Variants in SEMA3A observed in about 807,000 individuals in gnomAD.
SEMA3A encodes the protein semaphorin-3A.
SEMA3A carries 29 observed loss-of-function variants against 97.9 expected under a neutral mutation model. The observed-to-expected ratio is 0.30, with a 90% CI of 0.22 to 0.40. The LOEUF (loss-of-function observed/expected upper bound fraction) is 0.40. Among genes scored for constraint, SEMA3A ranks in the 10% least tolerant of loss-of-function variants. The pLI is 1.00. For synonymous variants in SEMA3A, 321 were observed against 323.7 expected, an observed-to-expected ratio of 0.99 and a Z score of 0.09; for missense variants, 763 against 951.3, an observed-to-expected ratio of 0.80 and a Z score of 2.60.
At chr7:84,155,475 G>C (rs765226872) in intron 1 of SEMA3A, among the ~76,000 whole-genome samples, 53 of 152,148 alleles carry the variant, frequency 3.5e-4, no homozygotes, top group Non-Finnish European at 6.8e-4. Context: ...AAAATCATTT[G>C]ACCTCAGATA....
intron 4 of SEMA3A, among the ~76,000 whole-genome samples, chr7:84,106,681 A>G (rs541642176): frequency 6.6e-6 from 1 of 152,326 alleles, no homozygotes; most frequent in South Asian, 2.1e-4. Flanking sequence ...TAAATAAGAA[A>G]GTAAGCCCTG....
At chr7:84,266,313 C>CAAAAAAAAAAAAAAAAAA (rs57809084) in intron 3 of SEMA3A, among the ~76,000 whole-genome samples, 1 of 70,482 alleles carries the variant, frequency 1.4e-5, no homozygotes, top group Non-Finnish European at 2.5e-5. Context: ...GATTTGGTCT[C>CAAAAAAAAAAAAAAAAAA]AAAAAAAAAA....
intron 1 of SEMA3A, among the ~76,000 whole-genome samples, chr7:84,164,580 C>T (rs1012494120): frequency 6.6e-6 from 1 of 152,044 alleles, no homozygotes; most frequent in Non-Finnish European, 1.5e-5. Flanking sequence ...ATATAGGCCA[C>T]GCAGACCCAT....
At chr7:84,155,956 T>C (rs1796833535) in intron 1 of SEMA3A, among the ~76,000 whole-genome samples, 1 of 152,120 alleles carries the variant, frequency 6.6e-6, no homozygotes, top group Non-Finnish European at 1.5e-5. Flanking sequence ...TGACCACATA[T>C]AAAATACCTG....
At chr7:84,171,773 G>A (rs190121160) in intron 1 of SEMA3A, among the ~76,000 whole-genome samples, 3 of 151,908 alleles carry the variant, frequency 2.0e-5, no homozygotes, top group Non-Finnish European at 2.9e-5. Context: ...ATTAAGGGAG[G>A]ACCAAATTAT....
chr7:84,195,835 G>A (rs1008667133), upstream of SEMA3A, among the ~76,000 whole-genome samples: 2 of 152,140 alleles, frequency 1.3e-5, no homozygotes, highest in Non-Finnish European at 2.9e-5. Flanking sequence ...GAGTGTCAAG[G>A]AGTAACATGA....
At chr7:84,096,561 G>C (rs962980856) in intron 4 of SEMA3A, among the ~76,000 whole-genome samples, 24 of 152,122 alleles carry the variant, frequency 1.6e-4, no homozygotes, top group African/African-American at 5.8e-4. Flanking sequence ...GGAAGCATTA[G>C]TTGAAAATAA....
intron 2 of SEMA3A, among the ~76,000 whole-genome samples, chr7:84,363,431 T>C (rs912381908): frequency 6.6e-6 from 1 of 151,946 alleles, no homozygotes; most frequent in Non-Finnish European, 1.5e-5. Context: ...TTATTTTTGG[T>C]GCATGTTCTT....
At chr7:84,044,925 G>A (rs1475404522) in intron 6 of SEMA3A, among the ~76,000 whole-genome samples, 1 of 152,078 alleles carries the variant, frequency 6.6e-6, no homozygotes, top group Non-Finnish European at 1.5e-5. Flanking sequence ...AAACGTGGAG[G>A]CAGGGAGCAT....
intron 1 of SEMA3A, among the ~76,000 whole-genome samples, chr7:84,483,848 C>T (rs1806506192): frequency 6.6e-6 from 1 of 151,800 alleles, no homozygotes; most frequent in African/African-American, 2.4e-5. Context: ...AGTTCGAGAC[C>T]ACCTGGATAA....
At chr7:84,182,049 T>C (rs1447878421) in intron 1 of SEMA3A, among the ~76,000 whole-genome samples, 6 of 152,280 alleles carry the variant, frequency 3.9e-5, no homozygotes, top group African/African-American at 1.4e-4. Context: ...AAGTGTCTTC[T>C]GTTAGACAAA....
chr7:84,208,870 C>T (rs1484989190), intron 3 of SEMA3A, among the ~76,000 whole-genome samples: 1 of 152,188 alleles, frequency 6.6e-6, no homozygotes. Flanking sequence ...CTGCATTATA[C>T]ATGGATCTAA....
chr7:84,234,102 A>G (rs2116362694), intron 3 of SEMA3A, among the ~76,000 whole-genome samples: 1 of 152,162 alleles, frequency 6.6e-6, no homozygotes, highest in Middle Eastern at 3.4e-3. Context: ...TAAAAAGTAA[A>G]TACATTGTTT....
chr7:84,126,859 A>G (rs1168034599), intron 3 of SEMA3A, among the ~76,000 whole-genome samples: 2 of 152,212 alleles, frequency 1.3e-5, no homozygotes, highest in Non-Finnish European at 2.9e-5. Flanking sequence ...GAAAGTTAGC[A>G]TACTTGCTCA....
At chr7:84,421,096 T>A (rs1390138643) in intron 1 of SEMA3A, among the ~76,000 whole-genome samples, 1 of 151,972 alleles carries the variant, frequency 6.6e-6, no homozygotes, top group African/African-American at 2.4e-5. Context: ...CGGTTTTAGA[T>A]CTTTCTAAAA....
intron 4 of SEMA3A, among the ~76,000 whole-genome samples, chr7:84,079,093 C>A (rs938918754): frequency 6.6e-6 from 1 of 151,876 alleles, no homozygotes; most frequent in Non-Finnish European, 1.5e-5. Context: ...GACATCTTTG[C>A]ATCAAATAAA....
intron 1 of SEMA3A, among the ~76,000 whole-genome samples, chr7:84,452,711 T>C (rs1562952722): frequency 6.6e-6 from 1 of 152,230 alleles, no homozygotes; most frequent in Non-Finnish European, 1.5e-5. Flanking sequence ...CACACCTCCA[T>C]AGGGTGTTGC....
intron 12 of SEMA3A, among the ~76,000 whole-genome samples, chr7:83,999,823 T>C (rs1248925808): frequency 6.6e-6 from 1 of 152,090 alleles, no homozygotes; most frequent in Non-Finnish European, 1.5e-5. Flanking sequence ...TTTGCAACAG[T>C]AGTGGCAAAA....
chr7:84,474,844 A>T (rs1806239467), intron 1 of SEMA3A, among the ~76,000 whole-genome samples: 1 of 152,132 alleles, frequency 6.6e-6, no homozygotes, highest in Admixed American at 6.6e-5. Flanking sequence ...ATAAATGTTT[A>T]TATTTAGTCA....
Sources: allele counts gnomAD v4.1 joint callset (sites outside exome capture counted in the v4.1 genomes callset), GRCh38; gene constraint gnomAD v4.1.1; transcripts MANE v1.5; gene names NCBI Gene and HGNC (gene_info 2026-07-23, HGNC 2026-07-21).